The following IL1RAPL1 variants were observed in gnomAD, a reference collection of about 807,000 sequenced individuals.
The protein encoded by IL1RAPL1 is interleukin 1 receptor accessory protein like 1, also known as interleukin-1 receptor accessory protein-like 1.
In IL1RAPL1, 3 loss-of-function variants were observed where a neutral mutation model predicts 48.4. The observed-to-expected ratio is 0.06, with a 90% CI of 0.03 to 0.16. IL1RAPL1 has a LOEUF of 0.16. IL1RAPL1 is among the 10% of genes least tolerant of loss of function. The probability of loss-of-function intolerance (pLI) is 1.00; values close to 1 mark genes in which losing one functional copy is unlikely to be tolerated. For missense variants in IL1RAPL1, 349 were observed against 530.6 expected, an observed-to-expected ratio of 0.66 and a Z score of 3.36; for synonymous variants, 185 against 187.7, an observed-to-expected ratio of 0.99 and a Z score of 0.12.
At chrX:29,746,839 C>T (rs975987624) in intron 6 of IL1RAPL1, among the ~76,000 whole-genome samples, 1 of 112,258 alleles carries the variant, frequency 8.9e-6, no homozygotes, top group African/African-American at 3.2e-5. Flanking sequence ...AACTACTGGC[C>T]TCAAGTGATC....
intron 2 of IL1RAPL1, among the ~76,000 whole-genome samples, chrX:29,124,975 T>C (rs957340590): frequency 8.9e-6 from 1 of 112,119 alleles, no homozygotes; most frequent in Non-Finnish European, 1.9e-5. Flanking sequence ...ACGACTAATG[T>C]CATATATACA....
At chrX:28,850,820 A>G (rs1214712782) in intron 2 of IL1RAPL1, among the ~76,000 whole-genome samples, 1 of 105,181 alleles carries the variant, frequency 9.5e-6, no homozygotes, top group African/African-American at 3.6e-5. Context: ...TCCTAAACTT[A>G]TATACCCCTA....
intron 6 of IL1RAPL1, among the ~76,000 whole-genome samples, chrX:29,746,522 T>C (rs1241350298): frequency 8.9e-6 from 1 of 112,225 alleles, no homozygotes; most frequent in African/African-American, 3.2e-5. Flanking sequence ...CCTGGGTGTT[T>C]TGAGGTTTCA....
chrX:29,915,686 A>G (rs1352993467), intron 6 of IL1RAPL1, among the ~76,000 whole-genome samples: 1 of 104,642 alleles, frequency 9.6e-6, no homozygotes, highest in Non-Finnish European at 2.0e-5. Context: ...TTAGGATCGC[A>G]GAGTTCTCAG....
intron 2 of IL1RAPL1, among the ~76,000 whole-genome samples, chrX:29,222,715 CA>C (rs1173351589): frequency 9.0e-6 from 1 of 111,290 alleles, no homozygotes; most frequent in Admixed American, 9.6e-5. Context: ...TGATAAGAAC[CA>C]AAAACTTATC....
At chrX:29,944,843 T>G (rs1933188262) in intron 9 of IL1RAPL1, among the ~76,000 whole-genome samples, 1 of 110,812 alleles carries the variant, frequency 9.0e-6, no homozygotes, top group African/African-American at 3.3e-5. Flanking sequence ...TGGCCTCCAG[T>G]CACAAGTTTC....
intron 2 of IL1RAPL1, among the ~76,000 whole-genome samples, chrX:29,082,080 G>A (rs943348413): frequency 5.4e-5 from 6 of 111,590 alleles, no homozygotes; most frequent in Admixed American, 9.5e-5. Flanking sequence ...TGATTTCTTG[G>A]TTACCGGGCT....
chrX:28,980,906 T>C (rs770821759), intron 2 of IL1RAPL1, among the ~76,000 whole-genome samples: 1 of 106,003 alleles, frequency 9.4e-6, no homozygotes, highest in African/African-American at 3.5e-5. Flanking sequence ...CTGGGCAACA[T>C]AGCAAGATCA....
chrX:28,630,793 C>T (rs1226361926), intron 1 of IL1RAPL1, among the ~76,000 whole-genome samples: 1 of 111,717 alleles, frequency 9.0e-6, no homozygotes, highest in Admixed American at 9.5e-5. Context: ...AAATATACAT[C>T]GATATATTAT....
chrX:29,527,629 A>G (rs757533266), intron 5 of IL1RAPL1, among the ~76,000 whole-genome samples: 5 of 110,736 alleles, frequency 4.5e-5, no homozygotes, highest in Non-Finnish European at 9.4e-5. Flanking sequence ...CTGGCTGGGA[A>G]GGACTTTCTA....
intron 3 of IL1RAPL1, among the ~76,000 whole-genome samples, chrX:29,342,443 C>G (rs1933096448): frequency 9.0e-6 from 1 of 111,539 alleles, no homozygotes; most frequent in Admixed American, 9.6e-5. Flanking sequence ...ACAGTTTTTC[C>G]AATTTTAGTT....
chrX:28,866,689 G>T (rs111914296), intron 2 of IL1RAPL1, among the ~76,000 whole-genome samples: 5 of 111,212 alleles, frequency 4.5e-5, no homozygotes, highest in Non-Finnish European at 9.4e-5. Context: ...AAATAACCCT[G>T]TAAGCTGTAT....
intron 3 of IL1RAPL1, among the ~76,000 whole-genome samples, chrX:29,290,676 C>T (rs181858924): frequency 2.9e-4 from 33 of 111,995 alleles, no homozygotes; most frequent in Admixed American, 8.5e-4. Flanking sequence ...GGTGGTTCTT[C>T]CAGTGATCTT....
intron 5 of IL1RAPL1, among the ~76,000 whole-genome samples, chrX:29,538,463 G>A (rs1469717723): frequency 1.9e-5 from 2 of 104,072 alleles, no homozygotes; most frequent in Admixed American, 1.1e-4. Flanking sequence ...TCAGCCTCCC[G>A]AGTAGCTGGG....
intron 2 of IL1RAPL1, among the ~76,000 whole-genome samples, chrX:29,253,063 A>C (rs1459711452): frequency 1.8e-5 from 2 of 111,162 alleles, no homozygotes; most frequent in Non-Finnish European, 3.8e-5. Context: ...ATTATCTGAG[A>C]GATACCTCTC....
intron 1 of IL1RAPL1, among the ~76,000 whole-genome samples, chrX:28,716,229 G>A (rs143401394): frequency 1.5e-3 from 172 of 111,884 alleles, no homozygotes; most frequent in African/African-American, 5.0e-3. Context: ...AGCCAACATC[G>A]TACTGAATGG....
chrX:29,282,139 G>A (rs768327934), intron 2 of IL1RAPL1, among the ~76,000 whole-genome samples: 69 of 111,730 alleles, frequency 6.2e-4, no homozygotes, highest in African/African-American at 1.8e-3. Flanking sequence ...GGGTTAAGGC[G>A]TCAACATATG....
chrX:28,742,086 C>G (rs1426549794), intron 1 of IL1RAPL1, among the ~76,000 whole-genome samples: 1 of 111,112 alleles, frequency 9.0e-6, no homozygotes, highest in Non-Finnish European at 1.9e-5. Context: ...GGCAGAACGT[C>G]TCGTTGGGAC....
chrX:29,264,915 T>A (rs747050866), intron 2 of IL1RAPL1, among the ~76,000 whole-genome samples: 30 of 111,289 alleles, frequency 2.7e-4, no homozygotes, highest in East Asian at 2.5e-3. Context: ...CTTTAATTTT[T>A]TTATTATTAT....
Sources: allele counts gnomAD v4.1 joint callset (sites outside exome capture counted in the v4.1 genomes callset), GRCh38; gene constraint gnomAD v4.1.1; transcripts MANE v1.5; gene names NCBI Gene and HGNC (gene_info 2026-07-23, HGNC 2026-07-21).